OSBPL6: variants seen among roughly 807,000 people sequenced by gnomAD.
The protein encoded by OSBPL6 is oxysterol binding protein like 6.
In OSBPL6, 49 loss-of-function variants were observed where a neutral mutation model predicts 125.8. That is an observed-to-expected ratio of 0.39 (90% CI 0.31 to 0.49). The LOEUF (loss-of-function observed/expected upper bound fraction) is 0.49, where lower values mean the gene tolerates loss of function less well. Ranked by LOEUF, OSBPL6 falls within the 20% of genes least tolerant of loss-of-function variation. The pLI is 0.88. For synonymous variants in OSBPL6, 394 were observed against 391.8 expected, an observed-to-expected ratio of 1.01 and a Z score of -0.07; for missense variants, 986 against 1,135.4, an observed-to-expected ratio of 0.87 and a Z score of 1.89.
At chr2:178,260,305 T>C (rs2092017382) in intron 1 of OSBPL6, among the ~76,000 whole-genome samples, 1 of 152,196 alleles carries the variant, frequency 6.6e-6, no homozygotes, top group South Asian at 2.1e-4. Context: ...TCTTTTGGAT[T>C]ATCTAATTAT....
intron 3 of OSBPL6, chr2:178,323,433 G>A (rs1009470443): frequency 2.0e-5 from 3 of 152,122 alleles, no homozygotes; most frequent in Non-Finnish European, 1.5e-5. Context: ...AAACTTTAGA[G>A]ACTGAAGGGT....
Position 178,316,622 on chromosome 2 carries a change from G to A in OSBPL6, c.103-7555G>A, listed in dbSNP as rs182237826. ...ATAACATGGTTTATGTAACTGCCGT[G>A]GATTGAAAATATCCCCCCTGCTACA... On this transcript the variant is annotated intron_variant, in intron 3 of 24. Coordinates refer to ENST00000190611, the MANE Select transcript of OSBPL6 (RefSeq NM_032523.4). 1.1e-3 allele frequency among the ~76,000 whole-genome samples: 174 copies of A among 151,930 alleles called. 1 individual carries two copies. Among genetic ancestry groups the A allele is most frequent in the African/African-American group, 3.9e-3 (162 of 41,430 alleles).
intron 12 of OSBPL6, among the ~76,000 whole-genome samples, chr2:178,352,915 G>T (rs993353600): frequency 1.3e-5 from 2 of 152,178 alleles, no homozygotes; most frequent in South Asian, 4.1e-4. Flanking sequence ...AGCAATATTT[G>T]CTGTTCTGCA....
At chr2:178,336,806 T>C (rs1174444499) in intron 9 of OSBPL6, among the ~76,000 whole-genome samples, 1 of 152,158 alleles carries the variant, frequency 6.6e-6, no homozygotes, top group Non-Finnish European at 1.5e-5. Flanking sequence ...ACTCTGCCCA[T>C]GGTCCCAGAA....
At chr2:178,308,874 C>A (rs1253003288) in intron 3 of OSBPL6, among the ~76,000 whole-genome samples, 2 of 152,204 alleles carry the variant, frequency 1.3e-5, no homozygotes, top group Non-Finnish European at 2.9e-5. Context: ...CTCACTATCT[C>A]ACTTATGGCC....
rs760113201 is a variant in OSBPL6, at chr2:178,298,706, G to GTT, written c.-155-7312_-155-7311dup. ...CCTATTTTTAGTTGCTTTTTTTTTT[G>GTT]TTTTTTTTTTTTTGCCGTACTGTTC... On this transcript the variant is annotated intron_variant, in intron 2 of 24. Transcript: ENST00000190611. Among the ~76,000 whole-genome samples the GTT allele has an allele frequency of 5.8e-3, 775 of 134,612 alleles. 8 individuals are homozygous for GTT. The highest frequency in any genetic ancestry group is 0.019 in the African/African-American group (703 of 36,502). The allele number at this position is 134,612 out of a possible 152,430, so 88.3% of individuals were successfully genotyped here.
chr2:178,346,136 T>G (rs974539262), intron 11 of OSBPL6, among the ~76,000 whole-genome samples: 3 of 152,208 alleles, frequency 2.0e-5, no homozygotes, highest in South Asian at 4.1e-4. Flanking sequence ...TTCAGAAATT[T>G]GCTCTTGATG....
At chr2:178,363,018 TC>T (rs1269163830) in intron 13 of OSBPL6, among the ~76,000 whole-genome samples, 2 of 152,206 alleles carry the variant, frequency 1.3e-5, no homozygotes, top group East Asian at 1.9e-4. Context: ...TCTGAAAGTA[TC>T]GTGAATCAGA....
intron 1 of OSBPL6, among the ~76,000 whole-genome samples, chr2:178,221,350 C>T (rs890925990): frequency 1.3e-5 from 2 of 152,092 alleles, no homozygotes; most frequent in African/African-American, 4.8e-5. Context: ...CACTGGGAAA[C>T]ACCTAATAAG....
Position 178,328,305 on chromosome 2 carries a change from A to G in OSBPL6, c.245A>G (p.Asn82Ser), listed in dbSNP as rs1449943274. 2 of 1,613,988 alleles carry G rather than the reference A, an allele frequency of 1.2e-6. No individual in the cohort carries two copies. Among genetic ancestry groups the G allele is most frequent in the Non-Finnish European group, 1.7e-6 (2 of 1,179,874 alleles). The change falls in exon 5 of 25, where the codon AAT (asparagine) becomes AGT (serine). Residue 82 changes from asparagine (N) to serine (S), a missense_variant. Around this residue, in one of 3 missense-constraint regions of OSBPL6, gnomAD observed 130 missense variants for 106.4 expected, o/e 1.22. Transcript: ENST00000190611. ...GAAGGGCTGAAAATAGGCCAAACCA[A>G]TGTCCAGAAACCAGACAAACATGAG... ...IIEGLKIGQT[N>S]VQKPDKHEGF...
intron 9 of OSBPL6, 116 bp downstream of exon 9, chr2:178,336,549 C>T (rs1689702517): frequency 8.4e-7 from 1 of 1,187,920 alleles, no homozygotes; most frequent in Non-Finnish European, 1.2e-6. Flanking sequence ...ATCGTCTTGA[C>T]CTTTCCTTGC....
intron 1 of OSBPL6, among the ~76,000 whole-genome samples, chr2:178,208,240 C>T (rs1324186292): frequency 6.0e-5 from 9 of 149,848 alleles, no homozygotes; most frequent in African/African-American, 2.5e-5. Context: ...GAGCCAAGAT[C>T]GTGCCACTGC....
intron 3 of OSBPL6, chr2:178,323,628 A>C (rs892324121): frequency 2.0e-5 from 3 of 151,992 alleles, no homozygotes; most frequent in Non-Finnish European, 4.4e-5. Flanking sequence ...ATGCCGGGCT[A>C]ATTTTTGTAT....
chr2:178,338,247 G>A (rs554270532), intron 9 of OSBPL6, among the ~76,000 whole-genome samples: 7 of 151,886 alleles, frequency 4.6e-5, no homozygotes, highest in East Asian at 1.9e-4. Flanking sequence ...ATTCTTGACC[G>A]TGTTTAATTT....
At chr2:178,254,624 G>C (rs2091820234) in intron 1 of OSBPL6, among the ~76,000 whole-genome samples, 3 of 152,050 alleles carry the variant, frequency 2.0e-5, no homozygotes, top group Non-Finnish European at 4.4e-5. Context: ...CCCCTTCTGG[G>C]GGCACACAAG....
At position 178,361,766 on chromosome 2, in the gene OSBPL6, G is replaced by A. The variant is rs1319559609; in HGVS notation, c.1238G>A (p.Ser413Asn). 6.2e-7 allele frequency: 1 copy of A among 1,614,136 alleles called. No individual in the cohort carries two copies. Among genetic ancestry groups the A allele is most frequent in the Non-Finnish European group, 8.5e-7 (1 of 1,179,994 alleles). ...LKQMVSEQDH[S>N]KGHSTQMARL... Reference sequence around the variant, plus strand: ...CAGATGGTTTCCGAGCAGGATCACAGTAAAGGCCACAGCACGCAGATGGCA... The same window carrying A: ...CAGATGGTTTCCGAGCAGGATCACAATAAAGGCCACAGCACGCAGATGGCA... The change falls in exon 13 of 25, where the codon AGT (serine) becomes AAT (asparagine). Residue 413 changes from serine to asparagine, a missense_variant. Coordinates refer to ENST00000190611, the MANE Select transcript of OSBPL6 (RefSeq NM_032523.4).
intron 1 of OSBPL6, among the ~76,000 whole-genome samples, chr2:178,206,414 T>G (rs565629158): frequency 6.6e-6 from 1 of 152,212 alleles, no homozygotes; most frequent in South Asian, 2.1e-4. Context: ...GGACAGAAAA[T>G]CAGCACAAAA....
Position 178,391,189 on chromosome 2 carries a change from C to T in OSBPL6, c.2418C>T (p.Ala806=). 6.2e-6 allele frequency: 10 copies of T among 1,611,098 alleles called. No individual in the cohort carries two copies. The highest frequency in any genetic ancestry group is 7.6e-6 in the Non-Finnish European group (9 of 1,178,818). The part of the protein sequence containing the change: ...KWHEGLYCGV[A]PSAKCIWRPG... Reference sequence around the variant, plus strand: ...ATGAAGGACTCTACTGTGGTGTGGCCCCCTCTGCAAAGTGCATTTGGAGAC... The same window carrying T: ...ATGAAGGACTCTACTGTGGTGTGGCTCCCTCTGCAAAGTGCATTTGGAGAC... Residue 806 remains alanine, a synonymous_variant, in exon 22 of 25, where the codon GCC becomes GCT. Coordinates refer to ENST00000190611, the MANE Select transcript of OSBPL6 (RefSeq NM_032523.4).
chr2:178,327,083 ACC>A (rs1688758985), intron 4 of OSBPL6, among the ~76,000 whole-genome samples: 1 of 149,432 alleles, frequency 6.7e-6, no homozygotes. Flanking sequence ...TGATGGGTGC[ACC>A]AAAGTCTCAG....
Sources: gnomAD v4.1 joint callset for allele counts (sites outside exome capture counted in the v4.1 genomes callset) on GRCh38, gnomAD v4.1.1 for gene constraint, gnomAD v4.1.1 regional missense constraint, MANE v1.5 for transcripts, NCBI Gene and HGNC (gene_info 2026-07-23, HGNC 2026-07-21) for gene names.